Variants in ADGRL3 observed in about 807,000 individuals in gnomAD.
ADGRL3 encodes the protein adhesion G protein-coupled receptor L3.
A neutral mutation model predicts 153.5 loss-of-function variants in ADGRL3; 62 were observed. The observed-to-expected ratio is 0.40, with a 90% CI of 0.33 to 0.50. The LOEUF is 0.50. Ranked by LOEUF, ADGRL3 falls within the 20% of genes least tolerant of loss-of-function variation. The pLI, the probability that ADGRL3 is intolerant of heterozygous loss-of-function variation, is 0.47. For missense variants in ADGRL3, 1,641 were observed against 1,859.4 expected (o/e 0.88, Z 2.16); for synonymous variants, 710 against 672.5 (o/e 1.06, Z -0.86).
intron 1 of ADGRL3, among the ~76,000 whole-genome samples, chr4:61,266,215 C>T (rs1221915633): frequency 6.6e-6 from 1 of 151,652 alleles, no homozygotes; most frequent in African/African-American, 2.4e-5. Context: ...CCTAAGGGTC[C>T]GTATTCTAAA....
At chr4:61,843,050 G>GA (rs1394043711) in intron 9 of ADGRL3, among the ~76,000 whole-genome samples, 5 of 151,518 alleles carry the variant, frequency 3.3e-5, no homozygotes, top group Non-Finnish European at 5.9e-5. Flanking sequence ...AGATTCAACT[G>GA]AAAAAAAAGG....
chr4:61,228,828 A>ACCT (rs1306532927), intron 1 of ADGRL3, among the ~76,000 whole-genome samples: 1 of 152,124 alleles, frequency 6.6e-6, no homozygotes, highest in South Asian at 2.1e-4. Flanking sequence ...TAGAGCTGGG[A>ACCT]TTACAGGAAC....
chr4:61,746,034 CA>C (rs1364715367), intron 8 of ADGRL3, among the ~76,000 whole-genome samples: 2 of 151,594 alleles, frequency 1.3e-5, no homozygotes, highest in Middle Eastern at 3.4e-3. Flanking sequence ...AAATGGAAAA[CA>C]AAAAAAGGCA....
At chr4:62,024,696 C>T (rs1308262827) in intron 21 of ADGRL3, among the ~76,000 whole-genome samples, 5 of 151,772 alleles carry the variant, frequency 3.3e-5, no homozygotes, top group African/African-American at 9.7e-5. Context: ...TTTAAGAGGC[C>T]GAGGCGGGCG....
chr4:61,325,171 G>A (rs1318248284), intron 1 of ADGRL3, among the ~76,000 whole-genome samples: 1 of 152,008 alleles, frequency 6.6e-6, no homozygotes, highest in South Asian at 2.1e-4. Flanking sequence ...AATTAGCTGG[G>A]CGTGGTGGCA....
At chr4:61,878,511 A>AT (rs1266058166) in intron 9 of ADGRL3, among the ~76,000 whole-genome samples, 7 of 152,156 alleles carry the variant, frequency 4.6e-5, no homozygotes, top group African/African-American at 9.7e-5. Flanking sequence ...TTGAAATAAC[A>AT]TTTTTTTGAA....
chr4:62,019,952 G>A lies in ADGRL3; in HGVS notation c.3396-8903G>A, dbSNP rs532185122. Among the ~76,000 whole-genome samples, 3 of 152,214 alleles carry A rather than the reference G, an allele frequency of 2.0e-5. No individual in the cohort carries two copies. The South Asian group carries it at 6.2e-4, about 32-fold the overall frequency. On this transcript the variant is annotated intron_variant, in intron 21 of 26. Coordinates refer to ENST00000683033, the MANE Select transcript of ADGRL3 (RefSeq NM_001387552.1). ...AGGCGAGAAAACTGAGGCTTATAAA[G>A]GATAAGATACTTCCAAAATTAAATA...
chr4:61,217,984 T>C (rs1743644869), intron 1 of ADGRL3, among the ~76,000 whole-genome samples: 1 of 152,248 alleles, frequency 6.6e-6, no homozygotes, highest in Non-Finnish European at 1.5e-5. Flanking sequence ...TATTATTGTT[T>C]AGTAAAGACA....
intron 25 of ADGRL3, 89 bp downstream of exon 25, chr4:62,044,638 C>A: frequency 1.2e-6 from 1 of 815,886 alleles, no homozygotes; most frequent in Non-Finnish European, 2.0e-6. Flanking sequence ...ACTTCTGAAC[C>A]TGTTCCACAT....
chr4:61,698,962 G>A (rs189007624), intron 6 of ADGRL3, among the ~76,000 whole-genome samples: 119 of 152,314 alleles, frequency 7.8e-4, no homozygotes, highest in African/African-American at 2.8e-3. Flanking sequence ...CCATTAGTGT[G>A]CTTCTTCCTC....
rs1747275836 is a variant in ADGRL3 at position 62,076,747 on chromosome 4, A to G, written c.*5839A>G. ...CTCAAGGAAACATCAATATTTTATA[A>G]ATGTTTCTTAAATATAAGTATTTTG... On this transcript the variant is annotated 3_prime_UTR_variant, in exon 27 of 27. Coordinates refer to ENST00000683033, the MANE Select transcript of ADGRL3 (RefSeq NM_001387552.1). 1 of 151,858 alleles carries G rather than the reference A, an allele frequency of 6.6e-6. No homozygotes were observed. Among genetic ancestry groups the G allele is most frequent in the South Asian group, 2.1e-4 (1 of 4,828 alleles). 9.4% of individuals were successfully genotyped at this position (151,858 alleles called of 1,614,324 possible). A position where few individuals can be genotyped will look rare whatever the true frequency, so the allele number is the denominator to read the frequency against.
At position 62,018,472 on chromosome 4, in the gene ADGRL3, C is replaced by T. The variant is rs2099223400; in HGVS notation, c.3396-10383C>T. ...AAAGACCAAGAGATTTTCAGCATCG[C>T]AGTGGTGATTGCAATCACTCAATTA... On this transcript the variant is annotated intron_variant, in intron 21 of 26. Transcript: ENST00000683033. 2.0e-5 allele frequency among the ~76,000 whole-genome samples: 3 copies of T among 152,206 alleles called. No individual in the cohort carries two copies. The South Asian group carries it at 6.2e-4, about 32-fold the overall frequency.
intron 5 of ADGRL3, among the ~76,000 whole-genome samples, chr4:61,587,651 C>T (rs1195778908): frequency 6.6e-6 from 1 of 152,082 alleles, no homozygotes; most frequent in Non-Finnish European, 1.5e-5. Flanking sequence ...TTATCTATTA[C>T]ATTTCATGGT....
At chr4:61,527,347 A>C (rs1244425631) in intron 4 of ADGRL3, among the ~76,000 whole-genome samples, 2 of 152,022 alleles carry the variant, frequency 1.3e-5, no homozygotes, top group Non-Finnish European at 2.9e-5. Flanking sequence ...TATTTTGTTG[A>C]TTTATTTCTT....
intron 13 of ADGRL3, among the ~76,000 whole-genome samples, chr4:61,932,014 C>T (rs937954395): frequency 5.3e-5 from 8 of 151,882 alleles, no homozygotes; most frequent in East Asian, 1.9e-4. Flanking sequence ...TATTTACACA[C>T]GTACACACAC....
At chr4:61,998,504 T>A (rs1248807756) in intron 21 of ADGRL3, among the ~76,000 whole-genome samples, 1 of 152,090 alleles carries the variant, frequency 6.6e-6, no homozygotes, top group Non-Finnish European at 1.5e-5. Context: ...ATGATAAGTT[T>A]TAAATATCTA....
At chr4:62,064,671 T>C (rs1233275849) in intron 25 of ADGRL3, among the ~76,000 whole-genome samples, 1 of 147,226 alleles carries the variant, frequency 6.8e-6, no homozygotes, top group African/African-American at 2.5e-5. Flanking sequence ...TCTTTGGTTG[T>C]TTTTTTTTTT....
chr4:61,964,028 A>G (rs1325977233), intron 17 of ADGRL3, among the ~76,000 whole-genome samples: 2 of 152,222 alleles, frequency 1.3e-5, no homozygotes, highest in Non-Finnish European at 2.9e-5. Context: ...TTTAATCCAT[A>G]GCATCACAAA....
At chr4:61,849,626 A>G (rs1363825873) in intron 9 of ADGRL3, among the ~76,000 whole-genome samples, 2 of 152,104 alleles carry the variant, frequency 1.3e-5, no homozygotes, top group African/African-American at 4.8e-5. Context: ...CATTTTACAT[A>G]TAAACTATGT....
Sources: allele counts gnomAD v4.1 joint callset (sites outside exome capture counted in the v4.1 genomes callset), GRCh38; gene constraint gnomAD v4.1.1; transcripts MANE v1.5; gene names NCBI Gene and HGNC (gene_info 2026-07-23, HGNC 2026-07-21).